Variants in TNKS observed in about 807,000 individuals in gnomAD.
TNKS encodes the protein poly [ADP-ribose] polymerase tankyrase-1.
A neutral mutation model predicts 135.8 loss-of-function variants in TNKS; 72 were observed. The observed-to-expected ratio is 0.53, with a 90% CI of 0.44 to 0.64. The LOEUF (loss-of-function observed/expected upper bound fraction) is 0.64. Among genes scored for constraint, TNKS ranks in the 30% least tolerant of loss-of-function variants. The pLI, the probability that TNKS is intolerant of heterozygous loss-of-function variation, is 0.00. For missense variants in TNKS, 1,769 were observed against 1,674.0 expected (o/e 1.06, Z -0.99); for synonymous variants, 849 against 649.3 (o/e 1.31, Z -4.68).
chr8:9,601,859 A>T (rs1418823580), intron 2 of TNKS, among the ~76,000 whole-genome samples: 1 of 152,092 alleles, frequency 6.6e-6, no homozygotes, highest in Non-Finnish European at 1.5e-5. Context: ...CTTATTTCTT[A>T]TGTTTAGAAA....
intron 2 of TNKS, among the ~76,000 whole-genome samples, chr8:9,591,141 G>T (rs1000725266): frequency 1.3e-5 from 2 of 152,180 alleles, no homozygotes; most frequent in Non-Finnish European, 2.9e-5. Flanking sequence ...TCATTTAGTT[G>T]TTCATAATAT....
intron 3 of TNKS, among the ~76,000 whole-genome samples, chr8:9,619,271 C>T (rs886553810): frequency 6.6e-6 from 1 of 152,034 alleles, no homozygotes; most frequent in African/African-American, 2.4e-5. Flanking sequence ...AGGTGGTTGA[C>T]AAAGGGAATG....
At chr8:9,724,393 GC>G (rs1211197016) in intron 12 of TNKS, among the ~76,000 whole-genome samples, 1 of 152,104 alleles carries the variant, frequency 6.6e-6, no homozygotes, top group African/African-American at 2.4e-5. Flanking sequence ...TTCAAGACCA[GC>G]CAGGGCAACA....
chr8:9,769,428 T>C (rs1171394179), intron 25 of TNKS, among the ~76,000 whole-genome samples: 1 of 152,192 alleles, frequency 6.6e-6, no homozygotes, highest in Non-Finnish European at 1.5e-5. Context: ...CTTTTATTAT[T>C]ACTGTTTACC....
chr8:9,594,232 C>T (rs922897349), intron 2 of TNKS, among the ~76,000 whole-genome samples: 5 of 152,064 alleles, frequency 3.3e-5, no homozygotes, highest in East Asian at 1.9e-4. Context: ...TAACAACTTT[C>T]TGGGTTTTTT....
chr8:9,556,734 T>A (rs1223675697), intron 1 of TNKS, 122 bp downstream of exon 1: 2 of 1,104,228 alleles, frequency 1.8e-6, no homozygotes, highest in Non-Finnish European at 1.3e-6. Flanking sequence ...CTTCATCACC[T>A]CACCAGAAGA....
chr8:9,569,569 A>G (rs7829326), intron 1 of TNKS, among the ~76,000 whole-genome samples: 26,576 of 152,124 alleles, frequency 0.17, 2,532 homozygotes, highest in East Asian at 0.3. Context: ...ACCACTACTT[A>G]CCCATTCTAC....
intron 1 of TNKS, among the ~76,000 whole-genome samples, chr8:9,573,736 A>G (rs911972264): frequency 6.6e-6 from 1 of 152,346 alleles, no homozygotes; most frequent in East Asian, 1.9e-4. Flanking sequence ...TAAAAGATTA[A>G]TAGTTCAAGT....
At chr8:9,758,298 A>G (rs114721252) in intron 20 of TNKS, among the ~76,000 whole-genome samples, 1,689 of 152,324 alleles carry the variant, frequency 0.011, 12 homozygotes, top group African/African-American at 0.023. Context: ...AGTTGCAAGT[A>G]TAGAAAGTTG....
intron 2 of TNKS, among the ~76,000 whole-genome samples, chr8:9,591,614 T>C (rs1303769593): frequency 6.6e-6 from 1 of 152,230 alleles, no homozygotes; most frequent in Non-Finnish European, 1.5e-5. Context: ...TTTTATTTTT[T>C]GCTGTTACTG....
chr8:9,563,966 TTTG>T (rs1797431122), intron 1 of TNKS, among the ~76,000 whole-genome samples: 1 of 152,282 alleles, frequency 6.6e-6, no homozygotes, highest in East Asian at 1.9e-4. Context: ...CCTGTCCCTT[TTTG>T]TTGTGCTACA....
At chr8:9,615,398 C>G (rs920541748) in intron 2 of TNKS, 184 bp from the exon 3 acceptor site, 4 of 456,680 alleles carry the variant, frequency 8.8e-6, no homozygotes, top group African/African-American at 2.0e-5. Context: ...AAGTTGCCAA[C>G]TTCATTTCAC....
chr8:9,736,188 A>G (rs971006179), intron 17 of TNKS, among the ~76,000 whole-genome samples: 16 of 151,508 alleles, frequency 1.1e-4, no homozygotes, highest in African/African-American at 3.1e-4. Flanking sequence ...ACAGGCATGG[A>G]AAGTATGTTG....
intron 17 of TNKS, chr8:9,741,874 A>G (rs1477886706): frequency 3.8e-6 from 1 of 260,560 alleles, no homozygotes; most frequent in Non-Finnish European, 8.8e-6. Context: ...CATTTTCATA[A>G]ACTTTATTCA....
At chr8:9,648,076 T>C (rs1283654040) in intron 3 of TNKS, among the ~76,000 whole-genome samples, 1 of 152,128 alleles carries the variant, frequency 6.6e-6, no homozygotes, top group Non-Finnish European at 1.5e-5. Context: ...TTACCATAAA[T>C]GGAGCTTGCG....
chr8:9,572,961 T>TTTTGC (rs1368112951), intron 1 of TNKS, among the ~76,000 whole-genome samples: 1 of 152,160 alleles, frequency 6.6e-6, no homozygotes, highest in African/African-American at 2.4e-5. Flanking sequence ...AGAATTTTTG[T>TTTTGC]TTTGCTTTTT....
At chr8:9,776,007 C>A (rs1203715431) in intron 26 of TNKS, among the ~76,000 whole-genome samples, 2 of 151,968 alleles carry the variant, frequency 1.3e-5, no homozygotes, top group African/African-American at 4.8e-5. Context: ...CTGCTCCCAC[C>A]AAGAAGAACT....
chr8:9,624,035 CAACAAA>C (rs1202692830), intron 3 of TNKS, among the ~76,000 whole-genome samples: 1 of 151,956 alleles, frequency 6.6e-6, no homozygotes, highest in Non-Finnish European at 1.5e-5. Context: ...ACAACAACAA[CAACAAA>C]AAACAACTAA....
intron 3 of TNKS, among the ~76,000 whole-genome samples, chr8:9,663,291 G>T (rs1030879093): frequency 2.0e-5 from 3 of 152,198 alleles, no homozygotes; most frequent in African/African-American, 7.2e-5. Flanking sequence ...TATCTGAAGT[G>T]TTTGACCTTT....
Sources: allele counts gnomAD v4.1 joint callset (sites outside exome capture counted in the v4.1 genomes callset), GRCh38; gene constraint gnomAD v4.1.1; transcripts MANE v1.5; gene names NCBI Gene and HGNC (gene_info 2026-07-23, HGNC 2026-07-21).